CADM2: variants seen among roughly 807,000 people sequenced by gnomAD.
CADM2 encodes cell adhesion molecule 2.
A neutral mutation model predicts 49.8 loss-of-function variants in CADM2; 12 were observed. The observed-to-expected ratio is 0.24, with a 90% CI of 0.15 to 0.39. CADM2 has a LOEUF of 0.39. Ranked by LOEUF, CADM2 falls within the 10% of genes least tolerant of loss-of-function variation. The pLI is 1.00. For missense variants in CADM2, 378 were observed against 492.3 expected (o/e 0.77, Z 2.20); for synonymous variants, 214 against 175.4 (o/e 1.22, Z -1.74).
chr3:85,048,045 C>G (rs1181699563), intron 1 of CADM2, among the ~76,000 whole-genome samples: 1 of 151,736 alleles, frequency 6.6e-6, no homozygotes, highest in African/African-American at 2.4e-5. Flanking sequence ...TCTATATTTT[C>G]GGGAAAAGAA....
Position 85,883,442 on chromosome 3 carries a change from G to A in CADM2, c.390G>A (p.Leu130=). 6.2e-7 allele frequency: 1 copy of A among 1,612,978 alleles called. No homozygotes were observed. The highest frequency in any genetic ancestry group is 8.5e-7 in the Non-Finnish European group (1 of 1,179,274). Residue 130 remains leucine (L), a splice_region_variant and synonymous_variant, in exon 4 of 10, where the codon CTG becomes CTA. Coordinates refer to ENST00000383699, the MANE Select transcript of CADM2 (RefSeq NM_001167675.2). ...VKTSKAYLTV[L]GVPEKPQISG... Reference sequence around the variant, plus strand: ...CTTCCAAGGCATATCTCACCGTTCTGGGTAAGTGCAAGGGACTAACACCAT... The same window carrying A: ...CTTCCAAGGCATATCTCACCGTTCTAGGTAAGTGCAAGGGACTAACACCAT...
rs549036403 is a variant in CADM2, at chr3:85,190,927, T to C, written c.61+231259T>C. 3.9e-5 allele frequency among the ~76,000 whole-genome samples: 6 copies of C among 152,288 alleles called. No individual in the cohort carries two copies. The South Asian group carries it at 1.2e-3, about 32-fold the overall frequency. The stretch of plus-strand genomic sequence containing the variant: ...TGTAAAATCCCTAGTGTTCATTTAA[T>C]TTGATCTTTAGAAAAGAATCAAAAT... On this transcript the variant is annotated intron_variant, in intron 1 of 9. Coordinates refer to ENST00000383699, the MANE Select transcript of CADM2 (RefSeq NM_001167675.2).
chr3:85,545,678 C>A (rs1457793590), intron 1 of CADM2, among the ~76,000 whole-genome samples: 1 of 151,992 alleles, frequency 6.6e-6, no homozygotes, highest in African/African-American at 2.4e-5. Flanking sequence ...CAATATGGAC[C>A]GAATAGGGCT....
intron 1 of CADM2, among the ~76,000 whole-genome samples, chr3:85,408,305 A>G (rs193203383): frequency 1.3e-5 from 2 of 152,342 alleles, no homozygotes; most frequent in East Asian, 3.9e-4. Flanking sequence ...AGACTAAAAA[A>G]TAAGTGTCCA....
At chr3:85,104,634 G>A (rs143305369) in intron 1 of CADM2, among the ~76,000 whole-genome samples, 2 of 152,258 alleles carry the variant, frequency 1.3e-5, no homozygotes, top group African/African-American at 4.8e-5. Context: ...GATAGGAATG[G>A]CATTGAATCT....
At chr3:85,815,129 G>T (rs1448033604) in intron 3 of CADM2, among the ~76,000 whole-genome samples, 1 of 152,020 alleles carries the variant, frequency 6.6e-6, no homozygotes, top group African/African-American at 2.4e-5. Context: ...AAAAAGTCCA[G>T]AACCAGACGG....
intron 2 of CADM2, among the ~76,000 whole-genome samples, chr3:85,786,348 C>A (rs1222869373): frequency 6.6e-6 from 1 of 152,002 alleles, no homozygotes; most frequent in Non-Finnish European, 1.5e-5. Context: ...GAAATCTATA[C>A]AAAGTACCAA....
chr3:85,221,022 T>C (rs534074932), intron 1 of CADM2, among the ~76,000 whole-genome samples: 1 of 152,122 alleles, frequency 6.6e-6, no homozygotes, highest in Non-Finnish European at 1.5e-5. Flanking sequence ...AACCTGCCTG[T>C]GAAACTGTAG....
chr3:85,585,968 A>G (rs1013933033), intron 1 of CADM2, among the ~76,000 whole-genome samples: 2 of 152,064 alleles, frequency 1.3e-5, no homozygotes, highest in African/African-American at 4.8e-5. Flanking sequence ...TTTAATGGAT[A>G]TGATACTGCT....
At chr3:85,515,631 A>ATATATATATATATATTT (rs1159969286) in intron 1 of CADM2, among the ~76,000 whole-genome samples, 1 of 118,426 alleles carries the variant, frequency 8.4e-6, no homozygotes, top group African/African-American at 3.4e-5. Flanking sequence ...ATATATATAT[A>ATATATATATATATATTT]TTTTTTTTTT....
chr3:85,388,883 TTAGA>T (rs1288444305), intron 1 of CADM2, among the ~76,000 whole-genome samples: 2 of 152,108 alleles, frequency 1.3e-5, no homozygotes, highest in Non-Finnish European at 2.9e-5. Flanking sequence ...CTAAGATGTG[TTAGA>T]TAGATCTTAC....
At chr3:84,971,498 C>G (rs950573954) in intron 1 of CADM2, among the ~76,000 whole-genome samples, 1 of 152,036 alleles carries the variant, frequency 6.6e-6, no homozygotes, top group Non-Finnish European at 1.5e-5. Context: ...CTCCATTTCT[C>G]CATATCATTT....
intron 1 of CADM2, among the ~76,000 whole-genome samples, chr3:85,561,392 A>C (rs1024140063): frequency 3.9e-5 from 6 of 152,162 alleles, no homozygotes; most frequent in Admixed American, 2.0e-4. Context: ...GTTCGATTTG[A>C]GGATTTTGGA....
chr3:85,234,120 C>A (rs974214455), intron 1 of CADM2, among the ~76,000 whole-genome samples: 1 of 151,946 alleles, frequency 6.6e-6, no homozygotes, highest in Non-Finnish European at 1.5e-5. Flanking sequence ...TAGTAAATTT[C>A]CCAAGGTTCC....
At chr3:85,507,535 A>T (rs569104582) in intron 1 of CADM2, among the ~76,000 whole-genome samples, 2 of 152,304 alleles carry the variant, frequency 1.3e-5, no homozygotes, top group African/African-American at 2.4e-5. Context: ...GTTATGAAAC[A>T]TTATTTATAT....
At chr3:85,343,462 C>A (rs2030169395) in intron 1 of CADM2, among the ~76,000 whole-genome samples, 1 of 152,042 alleles carries the variant, frequency 6.6e-6, no homozygotes, top group Admixed American at 6.6e-5. Context: ...CACTGAATAC[C>A]ATACTTTACA....
At chr3:85,265,998 T>G (rs2107904344) in intron 1 of CADM2, among the ~76,000 whole-genome samples, 1 of 152,024 alleles carries the variant, frequency 6.6e-6, no homozygotes, top group South Asian at 2.1e-4. Flanking sequence ...GTTGTCAACT[T>G]TTCAAACAGT....
intron 6 of CADM2, among the ~76,000 whole-genome samples, chr3:85,928,782 A>T (rs1347682731): frequency 1.3e-5 from 2 of 152,172 alleles, no homozygotes; most frequent in African/African-American, 4.8e-5. Context: ...CATTTTGAAC[A>T]AAACATTCAT....
At chr3:85,258,213 A>C (rs1413685479) in intron 1 of CADM2, among the ~76,000 whole-genome samples, 1 of 152,102 alleles carries the variant, frequency 6.6e-6, no homozygotes, top group Non-Finnish European at 1.5e-5. Context: ...CCCTGCATAG[A>C]AAGTGTTTCA....
Sources: allele counts gnomAD v4.1 joint callset (sites outside exome capture counted in the v4.1 genomes callset), GRCh38; gene constraint gnomAD v4.1.1; transcripts MANE v1.5; gene names NCBI Gene and HGNC (gene_info 2026-07-23, HGNC 2026-07-21).